Variants in RABGAP1L observed in about 807,000 individuals in gnomAD.
The protein encoded by RABGAP1L is rab GTPase-activating protein 1-like.
A neutral mutation model predicts 137.7 loss-of-function variants in RABGAP1L; 63 were observed. That is an observed-to-expected ratio of 0.46 (90% CI 0.37 to 0.56). RABGAP1L has a LOEUF of 0.56. RABGAP1L is among the 20% of genes least tolerant of loss of function. The pLI is 0.00. For missense variants in RABGAP1L, 1,095 were observed against 1,244.0 expected (o/e 0.88, Z 1.80); for synonymous variants, 431 against 433.7 (o/e 0.99, Z 0.08).
intron 13 of RABGAP1L, among the ~76,000 whole-genome samples, chr1:174,402,702 T>C (rs1648754660): frequency 6.6e-6 from 1 of 152,204 alleles, no homozygotes; most frequent in Non-Finnish European, 1.5e-5. Context: ...GCATTTTTCA[T>C]AACGTTTGAG....
intron 13 of RABGAP1L, among the ~76,000 whole-genome samples, chr1:174,629,413 C>A (rs1488194274): frequency 1.3e-5 from 2 of 152,146 alleles, no homozygotes; most frequent in Admixed American, 6.5e-5. Context: ...CTTATTTAGT[C>A]TATAAAGTGA....
At chr1:174,973,979 GTTTTTTTTTTTTTT>G (rs58500594) in intron 21 of RABGAP1L, among the ~76,000 whole-genome samples, 1 of 85,788 alleles carries the variant, frequency 1.2e-5, no homozygotes, top group Non-Finnish European at 2.5e-5. Context: ...ATTGTTTTTT[GTTTTTTTTTTTTTT>G]TTTTTTTTTT....
intron 17 of RABGAP1L, among the ~76,000 whole-genome samples, chr1:174,728,417 A>T (rs116215575): frequency 0.015 from 2,242 of 152,278 alleles, 44 homozygotes; most frequent in African/African-American, 0.051. Context: ...CTAACCAAGG[A>T]AGTGAAAGAT....
intron 11 of RABGAP1L, among the ~76,000 whole-genome samples, chr1:174,369,557 A>G (rs12133911): frequency 2.0e-4 from 30 of 152,206 alleles, no homozygotes; most frequent in Non-Finnish European, 3.1e-4. Context: ...AAATGTTATA[A>G]AAGATAGTTG....
chr1:174,180,505 CCTACCTTAGAGTACAATAGTGTGA>C (rs1204483491), intron 1 of RABGAP1L, among the ~76,000 whole-genome samples: 22 of 152,192 alleles, frequency 1.4e-4, no homozygotes, highest in African/African-American at 4.8e-4. Context: ...CACTCTGTCA[CCTACCTTAGAGTACAATAGTGTGA>C]TCATAGCTCA....
intron 14 of RABGAP1L, among the ~76,000 whole-genome samples, chr1:174,675,321 C>T (rs1572765427): frequency 6.6e-6 from 1 of 151,302 alleles, no homozygotes; most frequent in Non-Finnish European, 1.5e-5. Context: ...AGCCAGTTTT[C>T]CCAGCACCAT....
chr1:174,876,664 G>A (rs1022697426), intron 19 of RABGAP1L, among the ~76,000 whole-genome samples: 2 of 152,016 alleles, frequency 1.3e-5, no homozygotes, highest in African/African-American at 4.8e-5. Context: ...GAAACCCCTA[G>A]CCTTAAAGAT....
chr1:174,877,381 C>G (rs776171972), intron 19 of RABGAP1L: 2 of 1,552,534 alleles, frequency 1.3e-6, no homozygotes, highest in Admixed American at 1.9e-5. Context: ...ACTCCACCCC[C>G]TCGAACTCAG....
chr1:174,183,699 G>A (rs777259553), intron 1 of RABGAP1L, among the ~76,000 whole-genome samples: 1 of 151,996 alleles, frequency 6.6e-6, no homozygotes. Context: ...GTATAGTGAC[G>A]TGTGTCCACC....
intron 11 of RABGAP1L, among the ~76,000 whole-genome samples, chr1:174,311,852 C>T (rs781113498): frequency 1.3e-5 from 2 of 152,182 alleles, no homozygotes; most frequent in Non-Finnish European, 2.9e-5. Flanking sequence ...GGTGATCCAC[C>T]CACCTTGGCC....
At chr1:174,677,590 A>G (rs568483575) in intron 14 of RABGAP1L, among the ~76,000 whole-genome samples, 2 of 152,262 alleles carry the variant, frequency 1.3e-5, no homozygotes, top group South Asian at 4.1e-4. Flanking sequence ...TGGTAGCATA[A>G]CCCCAAATTT....
At chr1:174,651,323 T>G (rs923990261) in intron 14 of RABGAP1L, among the ~76,000 whole-genome samples, 3 of 152,320 alleles carry the variant, frequency 2.0e-5, no homozygotes, top group East Asian at 1.9e-4. Flanking sequence ...TGATTTGGGG[T>G]GAAGAGTTCT....
At chr1:174,538,173 G>T (rs991226582) in intron 13 of RABGAP1L, among the ~76,000 whole-genome samples, 4 of 152,052 alleles carry the variant, frequency 2.6e-5, no homozygotes, top group Admixed American at 2.0e-4. Context: ...GCTTATGTTG[G>T]TACTTCCATT....
At chr1:174,469,178 CT>C (rs1253852663) in intron 13 of RABGAP1L, among the ~76,000 whole-genome samples, 5 of 152,072 alleles carry the variant, frequency 3.3e-5, no homozygotes. Context: ...GTAAGTGTTG[CT>C]TTGATTTGTA....
chr1:174,465,633 T>TA (rs912338043), intron 13 of RABGAP1L, among the ~76,000 whole-genome samples: 1 of 151,146 alleles, frequency 6.6e-6, no homozygotes, highest in South Asian at 2.1e-4. Flanking sequence ...TGCCAGCAAG[T>TA]AAAAAAAAAT....
chr1:174,941,650 G>A (rs1309800815), intron 19 of RABGAP1L, among the ~76,000 whole-genome samples: 2 of 151,544 alleles, frequency 1.3e-5, no homozygotes, highest in Non-Finnish European at 2.9e-5. Context: ...GTCTTTGGAG[G>A]CACTGATATA....
At chr1:174,654,822 A>G (rs1329462310) in intron 14 of RABGAP1L, among the ~76,000 whole-genome samples, 1 of 152,176 alleles carries the variant, frequency 6.6e-6, no homozygotes, top group Non-Finnish European at 1.5e-5. Context: ...TTGTGAGTAC[A>G]TCTAGTTTTC....
chr1:174,659,807 C>A (rs961441536), intron 14 of RABGAP1L, among the ~76,000 whole-genome samples: 1 of 152,172 alleles, frequency 6.6e-6, no homozygotes, highest in East Asian at 1.9e-4. Flanking sequence ...AGCTGCTCAC[C>A]CGTAGTTTTT....
At position 174,804,298 on chromosome 1, in the gene RABGAP1L, A is replaced by G. The variant is rs1215473867; in HGVS notation, c.2212-7534A>G. On this transcript the variant is annotated intron_variant, in intron 18 of 25. Coordinates refer to ENST00000681986, the MANE Select transcript of RABGAP1L (RefSeq NM_001366446.1). ...TGTTTTTTGTTTTTTTTTTTGAGAT[A>G]GGGTTTCAGTTACCCAGGCTGGAGT... Among the ~76,000 whole-genome samples, 92 of 35,716 alleles carry G rather than the reference A, an allele frequency of 2.6e-3. 1 individual carries two copies. Among genetic ancestry groups the G allele is most frequent in the African/African-American group, 3.9e-3 (86 of 22,180 alleles). The allele number at this position is 35,716 out of a possible 152,430, so 23.4% of individuals were successfully genotyped here. A position where few individuals can be genotyped will look rare whatever the true frequency, so the allele number is the denominator to read the frequency against.
Sources: allele counts gnomAD v4.1 joint callset (sites outside exome capture counted in the v4.1 genomes callset), GRCh38; gene constraint gnomAD v4.1.1; transcripts MANE v1.5; gene names NCBI Gene and HGNC (gene_info 2026-07-23, HGNC 2026-07-21).